The following MYO16 variants were observed in gnomAD, a reference collection of about 807,000 sequenced individuals.
MYO16 encodes unconventional myosin-XVI.
In MYO16, 94 loss-of-function variants were observed where a neutral mutation model predicts 205.3. The observed-to-expected ratio is 0.46, with a 90% CI of 0.39 to 0.54. The LOEUF (loss-of-function observed/expected upper bound fraction) is 0.54, where lower values mean the gene tolerates loss of function less well. MYO16 is among the 20% of genes least tolerant of loss of function. The probability of loss-of-function intolerance (pLI) is 0.00; values close to 1 mark genes in which losing one functional copy is unlikely to be tolerated. For missense variants in MYO16, 2,315 were observed against 2,387.5 expected, an observed-to-expected ratio of 0.97 and a Z score of 0.63; for synonymous variants, 988 against 954.0, an observed-to-expected ratio of 1.04 and a Z score of -0.66.
chr13:109,138,207 G>A (rs1078189), intron 31 of MYO16, among the ~76,000 whole-genome samples: 12,742 of 152,202 alleles, frequency 0.084, 756 homozygotes, highest in African/African-American at 0.15. Context: ...ATGTCAAAAT[G>A]TGCAGTCATA....
At chr13:109,086,824 G>A (rs1038519913) in intron 27 of MYO16, among the ~76,000 whole-genome samples, 13 of 152,022 alleles carry the variant, frequency 8.6e-5, no homozygotes, top group African/African-American at 1.7e-4. Flanking sequence ...TATTTAAAGC[G>A]TCTCACTGAA....
chr13:108,897,294 T>A (rs1174880265), intron 14 of MYO16, among the ~76,000 whole-genome samples: 1 of 152,204 alleles, frequency 6.6e-6, no homozygotes, highest in Non-Finnish European at 1.5e-5. Context: ...GTGGCTTTTA[T>A]TCTACTGTGA....
intron 28 of MYO16, among the ~76,000 whole-genome samples, chr13:109,112,739 T>G (rs1387550403): frequency 1.3e-5 from 2 of 151,780 alleles, no homozygotes; most frequent in Non-Finnish European, 2.9e-5. Flanking sequence ...TGGGCGAAAC[T>G]CTGCCAAAAA....
chr13:108,669,676 G>C (rs144211436), intron 2 of MYO16, among the ~76,000 whole-genome samples: 8 of 151,838 alleles, frequency 5.3e-5, no homozygotes, highest in Non-Finnish European at 1.0e-4. Flanking sequence ...TTGTAAATTT[G>C]TTTAAGTTCC....
chr13:108,672,525 AT>A (rs138075150), intron 2 of MYO16, among the ~76,000 whole-genome samples: 2,472 of 151,228 alleles, frequency 0.016, 83 homozygotes, highest in East Asian at 0.14. Context: ...GTAATTCAGG[AT>A]TTTTTTTGCT....
At chr13:109,124,141 G>A (rs1315419572) in intron 29 of MYO16, among the ~76,000 whole-genome samples, 1 of 152,196 alleles carries the variant, frequency 6.6e-6, no homozygotes, top group Admixed American at 6.5e-5. Context: ...TCATGAGGCA[G>A]CCTGATCCAC....
At chr13:108,638,777 G>A (rs1229171958) in intron 1 of MYO16, among the ~76,000 whole-genome samples, 1 of 151,964 alleles carries the variant, frequency 6.6e-6, no homozygotes, top group African/African-American at 2.4e-5. Context: ...AATGAATAAC[G>A]AATTTTCAAT....
upstream of MYO16, among the ~76,000 whole-genome samples, chr13:108,595,881 C>CTTT (rs67620613): frequency 0.25 from 26,913 of 108,124 alleles, 4,105 homozygotes; most frequent in Middle Eastern, 0.32. Context: ...AAATTAAGTC[C>CTTT]TTTTTTTTTT....
At chr13:109,139,275 C>T (rs1219625095) in intron 31 of MYO16, among the ~76,000 whole-genome samples, 1 of 152,210 alleles carries the variant, frequency 6.6e-6, no homozygotes, top group Non-Finnish European at 1.5e-5. Context: ...TTTAAATAAT[C>T]ACGCTTACCC....
chr13:109,139,292 G>A (rs1047991121), intron 31 of MYO16, among the ~76,000 whole-genome samples: 8 of 152,152 alleles, frequency 5.3e-5, no homozygotes, highest in East Asian at 1.9e-4. Flanking sequence ...ACCCATTTCC[G>A]ACAGTAAGCT....
intron 10 of MYO16, among the ~76,000 whole-genome samples, chr13:108,855,065 G>A (rs1032173066): frequency 2.0e-5 from 3 of 152,118 alleles, no homozygotes; most frequent in Admixed American, 6.5e-5. Context: ...GGAACACTAC[G>A]GATATATGAG....
chr13:108,941,758 T>G (rs1201975949), intron 16 of MYO16, among the ~76,000 whole-genome samples: 1 of 152,038 alleles, frequency 6.6e-6, no homozygotes, highest in East Asian at 1.9e-4. Context: ...ATGTCCATTT[T>G]CTCATTTGTT....
chr13:108,781,157 C>A (rs1489712639), intron 4 of MYO16, among the ~76,000 whole-genome samples: 2 of 152,162 alleles, frequency 1.3e-5, no homozygotes, highest in Admixed American at 1.3e-4. Flanking sequence ...TCACTGGGAA[C>A]ATTTATGAAT....
At chr13:109,068,466 T>C (rs767696690) in intron 27 of MYO16, among the ~76,000 whole-genome samples, 10 of 152,098 alleles carry the variant, frequency 6.6e-5, no homozygotes, top group Non-Finnish European at 1.5e-4. Context: ...AGTAAACTTA[T>C]AATAATGGGC....
Position 108,935,469 on chromosome 13 carries a change from C to A in MYO16, c.1926-22219C>A, listed in dbSNP as rs80116594. The stretch of plus-strand genomic sequence containing the variant: ...AGATTTTTCTACATAACTTTCATAT[C>A]CTGAAACTTTGCTAAAGTCTATCAT... On this transcript the variant is annotated intron_variant, in intron 16 of 34. Transcript: ENST00000457511. 7.8e-3 allele frequency among the ~76,000 whole-genome samples: 1,181 copies of A among 152,282 alleles called. 15 individuals are homozygous for A. The highest frequency in any genetic ancestry group is 0.027 in the African/African-American group (1,140 of 41,570).
chr13:108,516,045 C>T, the MYO16 span, among the ~76,000 whole-genome samples: 1 of 143,752 alleles, frequency 7.0e-6, no homozygotes, highest in South Asian at 2.3e-4. Flanking sequence ...CTAAGCAAGC[C>T]TGGGCAATGG....
rs115497181 is a variant in MYO16 at position 109,037,140 on chromosome 13, A to G, written c.2797-9776A>G. Among the ~76,000 whole-genome samples, 1,309 of 152,310 alleles carry G rather than the reference A, an allele frequency of 8.6e-3. 9 individuals carry two copies. Among genetic ancestry groups the G allele is most frequent in the African/African-American group, 0.03 (1,264 of 41,560 alleles). Reference sequence around the variant, plus strand: ...CTCCTTAGTGCTTTTTCTTTCCTAGAAATGCTTCCATCTCACTAGGCTCTG... The same window carrying G: ...CTCCTTAGTGCTTTTTCTTTCCTAGGAATGCTTCCATCTCACTAGGCTCTG... On this transcript the variant is annotated intron_variant, in intron 23 of 34. Coordinates refer to ENST00000457511, the MANE Select transcript of MYO16 (RefSeq NM_001198950.3).
chr13:108,924,247 C>G (rs1052444180), intron 16 of MYO16, among the ~76,000 whole-genome samples: 13 of 152,318 alleles, frequency 8.5e-5, no homozygotes, highest in Non-Finnish European at 1.9e-4. Flanking sequence ...TGATGTGATG[C>G]AGTCATGTGA....
chr13:108,829,163 C>T (rs2139035932), intron 9 of MYO16, among the ~76,000 whole-genome samples: 1 of 152,190 alleles, frequency 6.6e-6, no homozygotes, highest in Admixed American at 6.5e-5. Context: ...TCTGGTCTAA[C>T]CCTTGGCGGT....
Sources: allele counts gnomAD v4.1 joint callset (sites outside exome capture counted in the v4.1 genomes callset), GRCh38; gene constraint gnomAD v4.1.1; transcripts MANE v1.5; gene names NCBI Gene and HGNC (gene_info 2026-07-23, HGNC 2026-07-21).